The following STK32B variants were observed in gnomAD, a reference collection of about 807,000 sequenced individuals.
STK32B encodes serine/threonine-protein kinase 32B.
Under a neutral mutation model 52.6 loss-of-function variants are expected in STK32B, and 43 were observed. The ratio of observed to expected loss-of-function variants is 0.82; its 90% CI spans 0.64 to 1.05. STK32B has a LOEUF of 1.05. Ranked by LOEUF, STK32B falls within the 50% of genes least tolerant of loss-of-function variation. The pLI is 0.00. For missense variants in STK32B, 621 were observed against 534.6 expected (o/e 1.16, Z -1.59); for synonymous variants, 238 against 204.3 (o/e 1.17, Z -1.41).
intron 4 of STK32B, among the ~76,000 whole-genome samples, chr4:5,336,687 A>G (rs1027383370): frequency 2.6e-5 from 4 of 152,230 alleles, no homozygotes; most frequent in African/African-American, 7.2e-5. Context: ...TAGAGTAAAA[A>G]GACAAAAAGA....
chr4:5,074,409 T>C (rs1711961660), intron 1 of STK32B, among the ~76,000 whole-genome samples: 1 of 152,104 alleles, frequency 6.6e-6, no homozygotes, highest in Admixed American at 6.6e-5. Flanking sequence ...CTGAAATTCC[T>C]CATGCCTTTG....
intron 7 of STK32B, among the ~76,000 whole-genome samples, chr4:5,448,421 C>T (rs994415488): frequency 6.6e-6 from 1 of 152,132 alleles, no homozygotes; most frequent in African/African-American, 2.4e-5. Context: ...CCAGAACACA[C>T]CGGCATCCGC....
chr4:5,431,258 G>T lies in STK32B; in HGVS notation c.562+14324G>T, dbSNP rs115760554. Among the ~76,000 whole-genome samples the T allele has an allele frequency of 9.2e-3, 1,400 of 152,094 alleles. 25 individuals carry two copies. The highest frequency in any genetic ancestry group is 0.032 in the African/African-American group (1,333 of 41,390). ...TGTAGGGCCAGATCATGTATTACCT[G>T]TGTGCTACATTATAGCTTTTGGTTT... On this transcript the variant is annotated intron_variant, in intron 6 of 11. Transcript: ENST00000282908.
At chr4:5,182,484 C>G (rs1038569613) in intron 3 of STK32B, among the ~76,000 whole-genome samples, 1 of 151,508 alleles carries the variant, frequency 6.6e-6, no homozygotes, top group East Asian at 1.9e-4. Flanking sequence ...TTTTTTGAGA[C>G]AGAGTCTCGC....
At chr4:5,433,641 G>A (rs1451612718) in intron 6 of STK32B, among the ~76,000 whole-genome samples, 1 of 152,208 alleles carries the variant, frequency 6.6e-6, no homozygotes, top group Non-Finnish European at 1.5e-5. Context: ...GTAATTCTGT[G>A]TTCCCAGTCA....
chr4:5,296,583 A>C (rs1001627832), intron 3 of STK32B, among the ~76,000 whole-genome samples: 4 of 151,498 alleles, frequency 2.6e-5, no homozygotes, highest in African/African-American at 9.7e-5. Flanking sequence ...TGGGATTGCA[A>C]CCCCTGCTGT....
At chr4:5,174,552 C>A (rs1408888729) in intron 3 of STK32B, among the ~76,000 whole-genome samples, 1 of 152,160 alleles carries the variant, frequency 6.6e-6, no homozygotes, top group Non-Finnish European at 1.5e-5. Context: ...ATTTCTCCTT[C>A]ACTTATGCAG....
chr4:5,050,937 C>T (rs1741742675), upstream of STK32B, among the ~76,000 whole-genome samples: 1 of 152,172 alleles, frequency 6.6e-6, no homozygotes, highest in African/African-American at 2.4e-5. Context: ...TTGGGGCAAA[C>T]TATGGCTGTC....
chr4:5,417,259 G>A (rs954770393), intron 6 of STK32B, among the ~76,000 whole-genome samples: 2 of 152,196 alleles, frequency 1.3e-5, no homozygotes, highest in African/African-American at 2.4e-5. Context: ...ATTTAACTTG[G>A]TGGTGGTCAT....
At chr4:5,225,870 T>G (rs1229223048) in intron 3 of STK32B, among the ~76,000 whole-genome samples, 1 of 152,048 alleles carries the variant, frequency 6.6e-6, no homozygotes, top group African/African-American at 2.4e-5. Flanking sequence ...TGAAAATGAG[T>G]GCTTAGGAGG....
At chr4:5,477,237 C>T (rs1718307472) in intron 11 of STK32B, among the ~76,000 whole-genome samples, 1 of 152,132 alleles carries the variant, frequency 6.6e-6, no homozygotes, top group South Asian at 2.1e-4. Context: ...AATAAGCACA[C>T]AGGGGCAACT....
At chr4:5,459,467 C>A (rs961925619) in intron 8 of STK32B, among the ~76,000 whole-genome samples, 3 of 152,210 alleles carry the variant, frequency 2.0e-5, no homozygotes, top group Admixed American at 1.3e-4. Context: ...CGGGGCCAGG[C>A]CTCTGTCTTT....
At chr4:5,164,276 C>T (rs561512729) in intron 2 of STK32B, among the ~76,000 whole-genome samples, 39 of 152,284 alleles carry the variant, frequency 2.6e-4, no homozygotes, top group African/African-American at 9.4e-4. Context: ...GTGCTGCTGG[C>T]CAGCCTCGGC....
At chr4:5,230,178 C>CTTTTTTTTTTTTTTTTTTTTTTTTTT (rs752036100) in intron 3 of STK32B, among the ~76,000 whole-genome samples, 3 of 71,124 alleles carry the variant, frequency 4.2e-5, no homozygotes, top group Admixed American at 1.9e-4. Context: ...CATGCATTCC[C>CTTTTTTTTTTTTTTTTTTTTTTTTTT]TTTTTTTTTT....
chr4:5,315,531 T>A (rs922481429), intron 3 of STK32B, among the ~76,000 whole-genome samples: 1 of 152,118 alleles, frequency 6.6e-6, no homozygotes, highest in African/African-American at 2.4e-5. Context: ...TACAATTTTA[T>A]ATGATTTATG....
intron 6 of STK32B, among the ~76,000 whole-genome samples, chr4:5,429,621 TA>T (rs901341118): frequency 3.9e-4 from 59 of 151,690 alleles, no homozygotes; most frequent in East Asian, 3.7e-3. Context: ...TGGTTAAAAA[TA>T]AAAAAAAACT....
intron 3 of STK32B, among the ~76,000 whole-genome samples, chr4:5,316,070 A>G (rs570683577): frequency 1.6e-3 from 227 of 141,468 alleles, no homozygotes; most frequent in Non-Finnish European, 2.5e-3. Flanking sequence ...TTTAGTTTTG[A>G]TGGAGAATAT....
the STK32B span, among the ~76,000 whole-genome samples, chr4:5,042,862 T>C: frequency 2.0e-5 from 3 of 150,498 alleles, no homozygotes; most frequent in Non-Finnish European, 4.4e-5. Flanking sequence ...ATCCCAGCAC[T>C]TTGGGAGGCC....
At chr4:5,391,646 G>A (rs1259464530) in intron 4 of STK32B, among the ~76,000 whole-genome samples, 5 of 151,634 alleles carry the variant, frequency 3.3e-5, no homozygotes, top group African/African-American at 9.8e-5. Context: ...TGGGCCACAG[G>A]GTGCAGAGGT....
Sources: allele counts gnomAD v4.1 joint callset (sites outside exome capture counted in the v4.1 genomes callset), GRCh38; gene constraint gnomAD v4.1.1; transcripts MANE v1.5; gene names NCBI Gene and HGNC (gene_info 2026-07-23, HGNC 2026-07-21).